Variants in ERC2 observed in about 807,000 individuals in gnomAD.
ERC2 encodes the protein ERC protein 2.
A neutral mutation model predicts 114.8 loss-of-function variants in ERC2; 42 were observed. The ratio of observed to expected loss-of-function variants is 0.37; its 90% CI spans 0.29 to 0.47. ERC2 has a LOEUF of 0.47. Among genes scored for constraint, ERC2 ranks in the 20% least tolerant of loss-of-function variants. The probability of loss-of-function intolerance (pLI) is 0.99; values close to 1 mark genes in which losing one functional copy is unlikely to be tolerated. For missense variants in ERC2, 939 were observed against 1,150.7 expected, an observed-to-expected ratio of 0.82 and a Z score of 2.66; for synonymous variants, 454 against 425.5, an observed-to-expected ratio of 1.07 and a Z score of -0.82.
chr3:55,713,096 T>TTCTC lies in ERC2; in HGVS notation c.2713-13588_2713-13585dup, dbSNP rs143906006. ...ATCCTGGTTGTTAGTTCCTCTGCCA[T>TTCTC]TCTCTCTCTCTCTCTCTCTCTCTCT... is the stretch of plus-strand genomic sequence containing the variant. On this transcript the variant is annotated intron_variant, in intron 15 of 17. Transcript: ENST00000288221. 5.8e-3 allele frequency among the ~76,000 whole-genome samples: 784 copies of TTCTC among 135,088 alleles called. 5 individuals are homozygous for TTCTC. Among genetic ancestry groups the TTCTC allele is most frequent in the East Asian group, 0.014 (65 of 4,682 alleles). The allele number at this position is 135,088 out of a possible 152,430, so 88.6% of individuals were successfully genotyped here.
chr3:55,790,258 C>T (rs1360913246), intron 14 of ERC2, among the ~76,000 whole-genome samples: 6 of 152,136 alleles, frequency 3.9e-5, no homozygotes, highest in Admixed American at 3.9e-4. Context: ...GAGCACCTCC[C>T]TCATGGCCTT....
rs113942388 is a variant in ERC2 at position 55,790,931 on chromosome 3, T to C, written c.2565-56013A>G. On this transcript the variant is annotated intron_variant, in intron 14 of 17. Transcript: ENST00000288221. ...TCTGGAGTCAAAAGACCAAGTTCAC[T>C]TCAAAAGGTGGAATCCTCCATTCCT... Among the ~76,000 whole-genome samples the C allele has an allele frequency of 3.2e-3, 486 of 152,340 alleles. 3 individuals are homozygous for C. Among genetic ancestry groups the C allele is most frequent in the African/African-American group, 0.011 (464 of 41,580 alleles).
intron 2 of ERC2, among the ~76,000 whole-genome samples, chr3:56,360,048 T>A (rs1238924016): frequency 6.8e-5 from 10 of 146,508 alleles, no homozygotes; most frequent in African/African-American, 2.5e-4. Context: ...CTACCCTCAA[T>A]AGTAACAAAA....
intron 15 of ERC2, among the ~76,000 whole-genome samples, chr3:55,720,947 G>A (rs556756249): frequency 6.6e-6 from 1 of 152,322 alleles, no homozygotes; most frequent in East Asian, 1.9e-4. Flanking sequence ...ATGCTTCTCT[G>A]TGAGTTAGGT....
chr3:55,995,250 T>C (rs1440596228), intron 10 of ERC2, among the ~76,000 whole-genome samples: 3 of 152,146 alleles, frequency 2.0e-5, no homozygotes, highest in East Asian at 1.9e-4. Flanking sequence ...AGAGAATTGC[T>C]TGAACCCAGG....
At chr3:55,603,399 G>A (rs757487214) in intron 17 of ERC2, among the ~76,000 whole-genome samples, 1 of 152,176 alleles carries the variant, frequency 6.6e-6, no homozygotes, top group Non-Finnish European at 1.5e-5. Flanking sequence ...TTGGGAGGCC[G>A]AGGCAGGCGG....
intron 14 of ERC2, among the ~76,000 whole-genome samples, chr3:55,805,068 G>A (rs566095775): frequency 6.6e-5 from 10 of 151,830 alleles, no homozygotes; most frequent in Non-Finnish European, 1.3e-4. Context: ...CACTTTATAG[G>A]TGAAGCAATG....
chr3:56,240,450 T>C (rs1389872137), intron 3 of ERC2, among the ~76,000 whole-genome samples: 2 of 152,192 alleles, frequency 1.3e-5, no homozygotes. Context: ...AATCTTCATG[T>C]CTAGTAAGTT....
chr3:56,249,299 T>C (rs1422073175), intron 3 of ERC2, among the ~76,000 whole-genome samples: 2 of 152,142 alleles, frequency 1.3e-5, no homozygotes, highest in East Asian at 3.9e-4. Flanking sequence ...CAGTCCTTGC[T>C]GGGCCACTTA....
chr3:55,968,944 G>A lies in ERC2; in HGVS notation c.2267+17033C>T, dbSNP rs151147274. ...GCCCATTCCCCTTGCTACATAAAGG[G>A]GTCTATTCTACTCGGAATCCAGGCA... On this transcript the variant is annotated intron_variant, in intron 12 of 17. Transcript: ENST00000288221. Among the ~76,000 whole-genome samples, 1,040 of 152,044 alleles carry A rather than the reference G, an allele frequency of 6.8e-3. 10 individuals carry two copies. Among genetic ancestry groups the A allele is most frequent in the African/African-American group, 0.023 (952 of 41,470 alleles).
chr3:55,835,118 A>G (rs1225129860), intron 14 of ERC2, among the ~76,000 whole-genome samples: 1 of 152,118 alleles, frequency 6.6e-6, no homozygotes, highest in Admixed American at 6.5e-5. Flanking sequence ...ATAGCTTACC[A>G]ACAAAAAAAA....
At chr3:55,673,519 G>C (rs1404799774) in intron 17 of ERC2, among the ~76,000 whole-genome samples, 2 of 152,050 alleles carry the variant, frequency 1.3e-5, no homozygotes, top group Non-Finnish European at 1.5e-5. Flanking sequence ...GGAGACGGAG[G>C]TTGCAGTCAG....
intron 3 of ERC2, among the ~76,000 whole-genome samples, chr3:56,241,624 T>C (rs79157728): frequency 6.6e-6 from 1 of 152,170 alleles, no homozygotes; most frequent in Non-Finnish European, 1.5e-5. Context: ...AGAGATAAGA[T>C]CATAGATCAT....
At chr3:55,705,847 T>C (rs1241698747) in intron 15 of ERC2, among the ~76,000 whole-genome samples, 1 of 152,080 alleles carries the variant, frequency 6.6e-6, no homozygotes, top group Non-Finnish European at 1.5e-5. Flanking sequence ...TTATACCTAC[T>C]CATTAAGCAC....
chr3:55,660,540 G>A (rs1346150619), intron 17 of ERC2, among the ~76,000 whole-genome samples: 1 of 148,844 alleles, frequency 6.7e-6, no homozygotes, highest in Admixed American at 6.8e-5. Context: ...TCCTTGCTCA[G>A]CACCTAGTGG....
intron 12 of ERC2, among the ~76,000 whole-genome samples, chr3:55,983,678 C>T (rs2070343232): frequency 6.6e-6 from 1 of 152,146 alleles, no homozygotes; most frequent in Non-Finnish European, 1.5e-5. Flanking sequence ...AGTTTCCAAA[C>T]TTCAGATTAG....
intron 2 of ERC2, among the ~76,000 whole-genome samples, chr3:56,418,421 A>C (rs138794429): frequency 6.6e-6 from 1 of 152,150 alleles, no homozygotes; most frequent in Non-Finnish European, 1.5e-5. Flanking sequence ...TACTCACTCC[A>C]TACTACAGTC....
chr3:56,103,377 A>T (rs1439447680), intron 6 of ERC2, among the ~76,000 whole-genome samples: 1 of 152,124 alleles, frequency 6.6e-6, no homozygotes, highest in Non-Finnish European at 1.5e-5. Context: ...TGCCCGCGAG[A>T]AGAAGCACTC....
intron 3 of ERC2, among the ~76,000 whole-genome samples, chr3:56,219,926 T>C (rs1334699055): frequency 1.3e-5 from 2 of 152,174 alleles, no homozygotes; most frequent in Admixed American, 1.3e-4. Context: ...ACAGATACCA[T>C]TGCCCACACG....
Sources: gnomAD v4.1 joint callset for allele counts (sites outside exome capture counted in the v4.1 genomes callset) on GRCh38, gnomAD v4.1.1 for gene constraint, MANE v1.5 for transcripts, NCBI Gene and HGNC (gene_info 2026-07-23, HGNC 2026-07-21) for gene names.